NF1: variants seen among roughly 807,000 people sequenced by gnomAD.
NF1 encodes neurofibromin 1.
A neutral mutation model predicts 325.7 loss-of-function variants in NF1; 122 were observed. The ratio of observed to expected loss-of-function variants is 0.37; its 90% CI spans 0.32 to 0.44. NF1 has a LOEUF of 0.44. NF1 is among the 20% of genes least tolerant of loss of function. The pLI is 1.00. For missense variants in NF1, 2,140 were observed against 3,415.4 expected (o/e 0.63, Z 9.31); for synonymous variants, 1,091 against 1,186.0 (o/e 0.92, Z 1.65).
At chr17:31,148,394 CTTTTTT>C (rs71142023) in intron 1 of NF1, among the ~76,000 whole-genome samples, 2 of 134,424 alleles carry the variant, frequency 1.5e-5, no homozygotes, top group Non-Finnish European at 3.1e-5. Flanking sequence ...GTCATTATGT[CTTTTTT>C]TTTTTTTTTT....
At chr17:31,157,807 A>AC (rs1270187066) in intron 2 of NF1, among the ~76,000 whole-genome samples, 2 of 151,380 alleles carry the variant, frequency 1.3e-5, no homozygotes, top group East Asian at 1.9e-4. Flanking sequence ...AAAAAAAAAA[A>AC]AAAAAAAACT....
intron 8 of NF1, among the ~76,000 whole-genome samples, chr17:31,198,418 T>G (rs1322144848): frequency 6.6e-6 from 1 of 152,248 alleles, no homozygotes; most frequent in Non-Finnish European, 1.5e-5. Context: ...TTGTGATTAC[T>G]GATTAATCCC....
At chr17:31,246,730 T>C (rs1274256881) in intron 29 of NF1, among the ~76,000 whole-genome samples, 1 of 152,176 alleles carries the variant, frequency 6.6e-6, no homozygotes, top group African/African-American at 2.4e-5. Context: ...AAAGTAGGCA[T>C]TATTAGTCCT....
In NF1 at chr17:31,230,326, T is replaced by G. The variant is rs749259016; in HGVS notation, c.3057T>G (p.Val1019=). Residue 1019 remains valine (V), a synonymous_variant, in exon 23 of 58, where the codon GTT becomes GTG. Transcript: ENST00000358273. ...TAAAAACGAAACTGTGTCAATTAGT[T>G]GAAGTAATGATGGCAAGGAGAGATG... ...IQIKTKLCQL[V]EVMMARRDDL... is the part of the protein sequence containing the mutation. 6.2e-7 allele frequency: 1 copy of G among 1,613,428 alleles called. No homozygotes were observed. The highest frequency in any genetic ancestry group is 2.2e-5 in the East Asian group (1 of 44,806).
chr17:31,226,358 C>CACACACACACACACAG, intron 17 of NF1, 77 bp from the exon 18 acceptor site: 1 of 1,529,544 alleles, frequency 6.5e-7, no homozygotes, highest in Non-Finnish European at 8.9e-7. Flanking sequence ...CACACACACA[C>CACACACACACACACAG]AGTTTATTGC....
intron 36 of NF1, among the ~76,000 whole-genome samples, chr17:31,325,049 C>T (rs1255677291): frequency 6.6e-6 from 1 of 152,054 alleles, no homozygotes; most frequent in African/African-American, 2.4e-5. Flanking sequence ...GTGGCTGCTC[C>T]CATTTATTAG....
intron 4 of NF1, among the ~76,000 whole-genome samples, chr17:31,167,065 G>A (rs2065858543): frequency 6.6e-6 from 1 of 152,150 alleles, no homozygotes; most frequent in African/African-American, 2.4e-5. Context: ...CGGAAATGAT[G>A]TTTAACCTTC....
At chr17:31,373,553 T>C (rs1397630693) in intron 57 of NF1, among the ~76,000 whole-genome samples, 4 of 152,236 alleles carry the variant, frequency 2.6e-5, no homozygotes, top group Non-Finnish European at 5.9e-5. Flanking sequence ...TAGTAAACAT[T>C]TTAGCAATTG....
chr17:31,222,359 G>A, intron 15 of NF1: 1 of 1,036,904 alleles, frequency 9.6e-7, no homozygotes, highest in Middle Eastern at 4.5e-4. Context: ...ATTAATAATG[G>A]ACACCTGCTT....
intron 31 of NF1, chr17:31,254,164 C>G (rs1489151008): frequency 6.9e-6 from 1 of 144,282 alleles, no homozygotes; most frequent in Admixed American, 7.2e-5. Flanking sequence ...CCCAGCTACT[C>G]GGGAGGCTGA....
chr17:31,353,370 G>T (rs1464234604), intron 51 of NF1, among the ~76,000 whole-genome samples: 1 of 152,198 alleles, frequency 6.6e-6, no homozygotes, highest in Non-Finnish European at 1.5e-5. Flanking sequence ...AGTGGCTCAC[G>T]CCCATAATCC....
chr17:31,324,424 T>A (rs1481784588), intron 36 of NF1, among the ~76,000 whole-genome samples: 1 of 152,146 alleles, frequency 6.6e-6, no homozygotes, highest in Middle Eastern at 3.2e-3. Flanking sequence ...TCAGGGTGAT[T>A]AGGATATCCA....
chr17:31,165,750 T>G (rs1367342706), intron 4 of NF1, among the ~76,000 whole-genome samples: 1 of 152,210 alleles, frequency 6.6e-6, no homozygotes, highest in Non-Finnish European at 1.5e-5. Flanking sequence ...AGTGCAGTGA[T>G]GTGAACATGT....
chr17:31,175,555 C>T (rs957982393), intron 5 of NF1, among the ~76,000 whole-genome samples: 2 of 152,024 alleles, frequency 1.3e-5, no homozygotes, highest in African/African-American at 2.4e-5. Context: ...ACTTTAAGTT[C>T]TGGGGTACAT....
At chr17:31,181,989 A>G (rs2066146374) in intron 7 of NF1, among the ~76,000 whole-genome samples, 1 of 152,184 alleles carries the variant, frequency 6.6e-6, no homozygotes, top group South Asian at 2.1e-4. Flanking sequence ...TGGAGCAAAC[A>G]AAGTAGTTTG....
chr17:31,248,819 T>C (rs2067444384), intron 29 of NF1, among the ~76,000 whole-genome samples, 165 bp from the exon 30 acceptor site: 1 of 152,026 alleles, frequency 6.6e-6, no homozygotes, highest in Admixed American at 6.6e-5. Flanking sequence ...CATCCAGCCC[T>C]GTCAAAGTTG....
chr17:31,365,441 G>A (rs1398713102), intron 57 of NF1, among the ~76,000 whole-genome samples: 2 of 152,132 alleles, frequency 1.3e-5, no homozygotes, highest in African/African-American at 2.4e-5. Flanking sequence ...TGTTTTGTAG[G>A]TGTATGTTAA....
At chr17:31,162,346 G>A (rs868268710) in intron 3 of NF1, among the ~76,000 whole-genome samples, 3 of 151,526 alleles carry the variant, frequency 2.0e-5, no homozygotes, top group Non-Finnish European at 4.4e-5. Context: ...GCATGGTGGC[G>A]GGCGCCTGTA....
chr17:31,269,928 C>G (rs2067860416), intron 36 of NF1, among the ~76,000 whole-genome samples: 1 of 152,164 alleles, frequency 6.6e-6, no homozygotes, highest in Non-Finnish European at 1.5e-5. Context: ...TAAAGCCAGC[C>G]CTATCCAAAT....
Sources: gnomAD v4.1 joint callset for allele counts (sites outside exome capture counted in the v4.1 genomes callset) on GRCh38, gnomAD v4.1.1 for gene constraint, MANE v1.5 for transcripts, NCBI Gene and HGNC (gene_info 2026-07-23, HGNC 2026-07-21) for gene names.